CELSR1: variants seen among roughly 807,000 people sequenced by gnomAD.
CELSR1 encodes cadherin EGF LAG seven-pass G-type receptor 1, also known as adhesion G protein-coupled receptor C1.
Under a neutral mutation model 249.1 loss-of-function variants are expected in CELSR1, and 110 were observed. That is an observed-to-expected ratio of 0.44 (90% CI 0.38 to 0.52). The LOEUF (loss-of-function observed/expected upper bound fraction) is 0.52, where lower values mean the gene tolerates loss of function less well. CELSR1 is among the 20% of genes least tolerant of loss of function. The probability of loss-of-function intolerance (pLI) is 0.00; values close to 1 mark genes in which losing one functional copy is unlikely to be tolerated. For synonymous variants in CELSR1, 2,113 were observed against 1,900.0 expected (o/e 1.11, Z -2.92); for missense variants, 4,109 against 4,296.4 (o/e 0.96, Z 1.22).
rs1382304678 is a variant in CELSR1, at chr22:46,463,742, C to T, written c.4148G>A (p.Gly1383Asp). 1 of 1,540,704 alleles carries T rather than the reference C, an allele frequency of 6.5e-7. No homozygotes were observed. Among genetic ancestry groups the T allele is most frequent in the Middle Eastern group, 1.8e-4 (1 of 5,706 alleles). ...CTCGAAGCACTCGCAGGTGTAGCCG[C>T]CCTCGCGGCTGCGGCAGCGGCCGTT... ...GANGRCRSRE[G>D]GYTCECFEDF... Residue 1383 changes from glycine to aspartate, a missense_variant, in exon 2 of 35, where the codon GGC (glycine) becomes GAC (aspartate). Physicochemically the swap from Gly to Asp is moderately conservative, Grantham distance 94 (BLOSUM62 -1). This residue lies in a region of CELSR1 where 453 missense variants were observed against 492.0 expected (regional missense o/e 0.92). Coordinates refer to ENST00000674500, the MANE Select transcript of CELSR1 (RefSeq NM_001378328.1).
At chr22:46,478,546 T>A (rs1053204134) in intron 1 of CELSR1, among the ~76,000 whole-genome samples, 5 of 134,494 alleles carry the variant, frequency 3.7e-5, no homozygotes, top group Non-Finnish European at 6.2e-5. Flanking sequence ...AAGATGAGAA[T>A]TTTTTTTTTT....
rs369418440 is a variant in CELSR1, at chr22:46,367,704, C to T, written c.8079+25G>A. Reference sequence around the variant, plus strand: ...TGTCACGGCGGCCAGGCAGGGGTCCCGCGGGCAACTCGGCCGTCACCTACC... The same window carrying T: ...TGTCACGGCGGCCAGGCAGGGGTCCTGCGGGCAACTCGGCCGTCACCTACC... On this transcript the variant is annotated intron_variant, in intron 28 of 34. Coordinates refer to ENST00000674500, the MANE Select transcript of CELSR1 (RefSeq NM_001378328.1). The T allele has an allele frequency of 7.6e-6, 12 of 1,578,358 alleles. No individual in the cohort carries two copies. The African/African-American group carries it at 1.3e-4, about 18-fold the overall frequency.
rs1299641526 is a variant in CELSR1 at position 46,429,843 on chromosome 22, G to A, written c.4611+3550C>T. Among the ~76,000 whole-genome samples the A allele has an allele frequency of 2.0e-5, 3 of 152,246 alleles. No individual in the cohort carries two copies. Among genetic ancestry groups the A allele is most frequent in the Non-Finnish European group, 4.4e-5 (3 of 68,036 alleles). On this transcript the variant is annotated intron_variant, in intron 5 of 34. Transcript: ENST00000674500. This position sits in a 1 kb window ranked among gnomAD's most constrained non-coding sequence, Gnocchi z 4.1. ...ATCTGCCCTTTCCCTTGATGCTCTAGGACTAAGGGCCATCGCAGCTCCGCT... is the reference window on the plus strand; with the variant it reads ...ATCTGCCCTTTCCCTTGATGCTCTAAGACTAAGGGCCATCGCAGCTCCGCT...
chr22:46,453,820 G>A lies in CELSR1; in HGVS notation c.4183+9887C>T, dbSNP rs370549520. ...AGACCCCCACCACAGCGCCGATGGT[G>A]GGACCTGCTCACTACGCATGCCTTC... On this transcript the variant is annotated intron_variant, in intron 2 of 34. Coordinates refer to ENST00000674500, the MANE Select transcript of CELSR1 (RefSeq NM_001378328.1). Among the ~76,000 whole-genome samples the A allele has an allele frequency of 2.0e-4, 31 of 152,302 alleles. No homozygotes were observed. In the East Asian group the frequency reaches 3.3e-3, roughly 16 times the overall value.
chr22:46,420,105 CAT>C (rs571506474), intron 5 of CELSR1, among the ~76,000 whole-genome samples: 50 of 151,970 alleles, frequency 3.3e-4, no homozygotes, highest in African/African-American at 1.2e-3. Flanking sequence ...CACACTCGTG[CAT>C]ACTCATCCAC....
chr22:46,409,296 C>T lies in CELSR1; in HGVS notation c.5060-134G>A. On this transcript the variant is annotated intron_variant, in intron 8 of 34. Coordinates refer to ENST00000674500, the MANE Select transcript of CELSR1 (RefSeq NM_001378328.1). The surrounding 1 kb of genome is among the most constrained non-coding windows in gnomAD (Gnocchi z 9.8). ...CTTTAACACGAAGGTGGGTCTGAGC[C>T]TCCCCTCTGTGACGCATCCAGCCCT... 1 of 880,838 alleles carries T rather than the reference C, an allele frequency of 1.1e-6. No homozygotes were observed. The highest frequency in any genetic ancestry group is 1.7e-6 in the Non-Finnish European group (1 of 593,580). 54.6% of individuals were successfully genotyped at this position (880,838 alleles called of 1,614,324 possible). A position where few individuals can be genotyped will look rare whatever the true frequency, so the allele number is the denominator to read the frequency against.
chr22:46,525,555 G>A (rs1188746002), intron 1 of CELSR1, among the ~76,000 whole-genome samples: 1 of 152,184 alleles, frequency 6.6e-6, no homozygotes, highest in Non-Finnish European at 1.5e-5. Flanking sequence ...TCAGGTTACA[G>A]GAAAAGAAGA....
intron 1 of CELSR1, among the ~76,000 whole-genome samples, chr22:46,504,801 A>C (rs1373531456): frequency 1.3e-5 from 2 of 152,210 alleles, no homozygotes; most frequent in Non-Finnish European, 2.9e-5. Context: ...CTGAAAATTT[A>C]TTCCTCAGCA....
intron 5 of CELSR1, among the ~76,000 whole-genome samples, chr22:46,416,025 C>T (rs988881501): frequency 6.6e-6 from 1 of 150,686 alleles, no homozygotes; most frequent in Admixed American, 6.6e-5. Context: ...GTGGCGTGTC[C>T]GCCTCTGAGT....
Position 46,437,425 on chromosome 22 carries a change from C to T in CELSR1, c.4407-1136G>A, listed in dbSNP as rs1312718659. 6.6e-6 allele frequency among the ~76,000 whole-genome samples: 1 copy of T among 152,176 alleles called. No homozygotes were observed. Among genetic ancestry groups the T allele is most frequent in the African/African-American group, 2.4e-5 (1 of 41,434 alleles). On this transcript the variant is annotated intron_variant, in intron 3 of 34. Transcript: ENST00000674500. This position sits in a 1 kb window ranked among gnomAD's most constrained non-coding sequence, Gnocchi z 4.9. The stretch of plus-strand genomic sequence containing the variant: ...TGCAGCAGGAGTCGGCCCGAGCCAG[C>T]CTCGAGCATCTGACCTCAGCCTTTT...
chr22:46,457,537 AG>A (rs1326401178), intron 2 of CELSR1, among the ~76,000 whole-genome samples: 1 of 152,220 alleles, frequency 6.6e-6, no homozygotes, highest in Admixed American at 6.5e-5. Flanking sequence ...TCAGCCTTGC[AG>A]AAAAACCCGC....
intron 14 of CELSR1, among the ~76,000 whole-genome samples, chr22:46,392,751 T>C (rs1313758552): frequency 7.5e-6 from 1 of 134,128 alleles, no homozygotes; most frequent in African/African-American, 2.5e-5. Context: ...GAAATGGGAG[T>C]CTCACTATGT....
At chr22:46,479,882 A>C (rs2080249412) in intron 1 of CELSR1, among the ~76,000 whole-genome samples, 1 of 152,174 alleles carries the variant, frequency 6.6e-6, no homozygotes, top group Admixed American at 6.5e-5. Flanking sequence ...GAGTCAGCTC[A>C]TCCTAGCCCA....
rs898050925 is a variant in CELSR1, at chr22:46,526,269, G to A, written c.3544+7358C>T. Among the ~76,000 whole-genome samples the A allele has an allele frequency of 3.9e-5, 6 of 152,190 alleles. No individual in the cohort carries two copies. The highest frequency in any genetic ancestry group is 7.2e-5 in the African/African-American group (3 of 41,442). Reference sequence around the variant, plus strand: ...CGAAGCTTGGCCACAGTAGCCCTTTGGGAGACAATGAGGAAGACCTGACAC... The same window carrying A: ...CGAAGCTTGGCCACAGTAGCCCTTTAGGAGACAATGAGGAAGACCTGACAC... On this transcript the variant is annotated intron_variant, in intron 1 of 34. Transcript: ENST00000674500. The surrounding 1 kb of genome is among the most constrained non-coding windows in gnomAD (Gnocchi z 4.7).
chr22:46,389,408 C>T lies in CELSR1; in HGVS notation c.6437G>A (p.Gly2146Asp). 1 of 1,612,344 alleles carries T rather than the reference C, an allele frequency of 6.2e-7. No homozygotes were observed. Among genetic ancestry groups the T allele is most frequent in the African/African-American group, 1.3e-5 (1 of 75,066 alleles). ...RALRSATQHT[G>D]TLFGNDVRTA... Reference sequence around the variant, plus strand: ...GCGCACGTCATTGCCAAAGAGCGTGCCCGTGTGCTGTGTAGCACTGCGCAG... The same window carrying T: ...GCGCACGTCATTGCCAAAGAGCGTGTCCGTGTGCTGTGTAGCACTGCGCAG... Residue 2146 changes from glycine (G) to aspartate (D), a missense_variant, in exon 18 of 35, where the codon GGC becomes GAC. By Grantham distance (94) the Gly-to-Asp change is moderately conservative. Around this residue, in one of 7 missense-constraint regions of CELSR1, gnomAD observed 1,805 missense variants for 1,831.6 expected, o/e 0.99. Coordinates refer to ENST00000674500, the MANE Select transcript of CELSR1 (RefSeq NM_001378328.1).
At chr22:46,530,667 A>T (rs73181008) in intron 1 of CELSR1, among the ~76,000 whole-genome samples, 2,144 of 152,292 alleles carry the variant, frequency 0.014, 40 homozygotes, top group Non-Finnish European at 0.02. Context: ...ACTTCAAAAA[A>T]TTTTCAAAAA....
Position 46,423,947 on chromosome 22 carries a change from C to T in CELSR1, c.4611+9446G>A, listed in dbSNP as rs1569153354. Among the ~76,000 whole-genome samples the T allele has an allele frequency of 6.6e-6, 1 of 152,074 alleles. No homozygotes were observed. Among genetic ancestry groups the T allele is most frequent in the Non-Finnish European group, 1.5e-5 (1 of 68,020 alleles). On this transcript the variant is annotated intron_variant, in intron 5 of 34. Coordinates refer to ENST00000674500, the MANE Select transcript of CELSR1 (RefSeq NM_001378328.1). This position sits in a 1 kb window ranked among gnomAD's most constrained non-coding sequence, Gnocchi z 5.6. Reference sequence around the variant, plus strand: ...GCCGAGATTGTGCCAGCCTGGGTGACAGAGTGAGACTGCATCTCAAAACAA... The same window carrying T: ...GCCGAGATTGTGCCAGCCTGGGTGATAGAGTGAGACTGCATCTCAAAACAA...
rs11703059 is a variant in CELSR1, at chr22:46,365,026, G to A, written c.8554+205C>T. ...CACAGAGACCCCCCTGAGAGTTCCT[G>A]CCTCCGCTCAGGGGGTTGGCCTGGA... On this transcript the variant is annotated intron_variant, in intron 32 of 34. Transcript: ENST00000674500. 0.063 allele frequency among the ~76,000 whole-genome samples: 9,661 copies of A among 152,284 alleles called. 412 individuals are homozygous for A. Among genetic ancestry groups the A allele is most frequent in the Non-Finnish European group, 0.094 (6,409 of 67,986 alleles).
At position 46,367,007 on chromosome 22, in the gene CELSR1, C is replaced by G. The variant is rs775423517; in HGVS notation, c.8191G>C (p.Ala2731Pro). Reference protein sequence around the residue: ...LHLEDSATTRATLLTRSLNCN... With the variant: ...LHLEDSATTRPTLLTRSLNCN... ...GCGCCTCCTACCGTCAGCAGGGTGG[C>G]CCTGGTGGTGGCGGAGTCCTCCAGG... The change falls in exon 29 of 35, where the codon GCC becomes CCC. Residue 2731 changes from alanine to proline, a missense_variant. By Grantham distance (27) the Ala-to-Pro change is conservative. Transcript: ENST00000674500. 2 of 1,609,760 alleles carry G rather than the reference C, an allele frequency of 1.2e-6. No individual in the cohort carries two copies. Among genetic ancestry groups the G allele is most frequent in the Non-Finnish European group, 1.7e-6 (2 of 1,179,406 alleles).
Sources: gnomAD v4.1 joint callset for allele counts (sites outside exome capture counted in the v4.1 genomes callset) on GRCh38, gnomAD v4.1.1 for gene constraint, gnomAD v4.1.1 regional missense constraint, Gnocchi (gnomAD v3.1) non-coding constraint, MANE v1.5 for transcripts, NCBI Gene and HGNC (gene_info 2026-07-23, HGNC 2026-07-21) for gene names.